Variants in PDE4D observed in about 807,000 individuals in gnomAD.
The protein encoded by PDE4D is 3',5'-cyclic-AMP phosphodiesterase 4D.
Under a neutral mutation model 87.4 loss-of-function variants are expected in PDE4D, and 24 were observed. That is an observed-to-expected ratio of 0.27 (90% CI 0.20 to 0.39). The LOEUF is 0.39. PDE4D is among the 10% of genes least tolerant of loss of function. The pLI, the probability that PDE4D is intolerant of heterozygous loss-of-function variation, is 1.00. For missense variants in PDE4D, 714 were observed against 1,041.0 expected (o/e 0.69, Z 4.32); for synonymous variants, 384 against 383.2 (o/e 1.00, Z -0.02).
intron 1 of PDE4D, among the ~76,000 whole-genome samples, chr5:59,479,947 G>A (rs1203360013): frequency 6.6e-6 from 1 of 152,042 alleles, no homozygotes; most frequent in Non-Finnish European, 1.5e-5. Flanking sequence ...AGTGGGGAGA[G>A]TATGCACATT....
At chr5:59,149,901 A>G (rs1261730289) in intron 5 of PDE4D, among the ~76,000 whole-genome samples, 1 of 152,050 alleles carries the variant, frequency 6.6e-6, no homozygotes, top group African/African-American at 2.4e-5. Flanking sequence ...GAAAGTCTTC[A>G]GGTGTAATCC....
chr5:59,777,049 C>G (rs1490290362), intron 1 of PDE4D, among the ~76,000 whole-genome samples: 1 of 152,126 alleles, frequency 6.6e-6, no homozygotes, highest in South Asian at 2.1e-4. Flanking sequence ...TTCCAGGAAC[C>G]CTTAACTCGA....
At chr5:59,168,758 C>T (rs932158168) in intron 5 of PDE4D, among the ~76,000 whole-genome samples, 2 of 152,186 alleles carry the variant, frequency 1.3e-5, no homozygotes, top group African/African-American at 2.4e-5. Context: ...AGGACCAGCA[C>T]ATCCAGCAGC....
intron 1 of PDE4D, among the ~76,000 whole-genome samples, chr5:59,661,315 C>G (rs1227803287): frequency 1.3e-5 from 2 of 151,978 alleles, no homozygotes; most frequent in Non-Finnish European, 2.9e-5. Context: ...TTTAAAAACT[C>G]CATTACCTGC....
At chr5:59,575,209 A>G (rs1583188688) in intron 1 of PDE4D, among the ~76,000 whole-genome samples, 1 of 152,202 alleles carries the variant, frequency 6.6e-6, no homozygotes, top group African/African-American at 2.4e-5. Flanking sequence ...TGAAAGATGT[A>G]TAAAAAGAAC....
intron 1 of PDE4D, among the ~76,000 whole-genome samples, chr5:59,431,097 C>T (rs1421482625): frequency 1.2e-4 from 18 of 152,082 alleles, no homozygotes; most frequent in Admixed American, 1.2e-3. Flanking sequence ...GATGATGATA[C>T]ACATTTTTTT....
At chr5:59,974,057 C>T (rs901997597) in intron 3 of PDE4D, among the ~76,000 whole-genome samples, 14 of 152,082 alleles carry the variant, frequency 9.2e-5, no homozygotes, top group East Asian at 7.7e-4. Flanking sequence ...ACCGTATGCA[C>T]GTGCCTTTCT....
chr5:59,942,739 G>A (rs77382569), intron 3 of PDE4D, among the ~76,000 whole-genome samples: 3 of 151,788 alleles, frequency 2.0e-5, no homozygotes, highest in South Asian at 2.1e-4. Flanking sequence ...GAATAGGATC[G>A]GCTGTGATAG....
chr5:60,057,150 C>T (rs1261525993), intron 2 of PDE4D, among the ~76,000 whole-genome samples: 1 of 151,828 alleles, frequency 6.6e-6, no homozygotes, highest in Non-Finnish European at 1.5e-5. Flanking sequence ...AGTCTCTACA[C>T]AGAATAAATT....
At chr5:60,406,689 A>AG (rs1324956479) in intron 1 of PDE4D, among the ~76,000 whole-genome samples, 1 of 152,088 alleles carries the variant, frequency 6.6e-6, no homozygotes, top group Admixed American at 6.5e-5. Flanking sequence ...GTGTTTCTTT[A>AG]TTTTATTCCA....
chr5:59,580,893 T>G (rs1489833154), intron 1 of PDE4D, among the ~76,000 whole-genome samples: 1 of 152,156 alleles, frequency 6.6e-6, no homozygotes, highest in East Asian at 1.9e-4. Context: ...TTTTAGTTTA[T>G]TTATGTTTCC....
chr5:59,306,378 C>A (rs1230569723), intron 1 of PDE4D, among the ~76,000 whole-genome samples: 1 of 152,156 alleles, frequency 6.6e-6, no homozygotes, highest in Non-Finnish European at 1.5e-5. Context: ...GCATTTAGGC[C>A]ATTTACATTC....
chr5:59,515,076 GATTA>G (rs1400557487), intron 1 of PDE4D, among the ~76,000 whole-genome samples: 1 of 152,190 alleles, frequency 6.6e-6, no homozygotes, highest in Non-Finnish European at 1.5e-5. Flanking sequence ...AATGTTAAGA[GATTA>G]AAGGGGAAAA....
At chr5:60,351,696 G>A (rs73106785) in intron 1 of PDE4D, among the ~76,000 whole-genome samples, 14,818 of 152,036 alleles carry the variant, frequency 0.097, 1,356 homozygotes, top group African/African-American at 0.24. Context: ...ATTTGGAAAG[G>A]AATCAGTATT....
chr5:59,038,275 C>T (rs1189799788), intron 6 of PDE4D, among the ~76,000 whole-genome samples: 1 of 152,136 alleles, frequency 6.6e-6, no homozygotes, highest in Non-Finnish European at 1.5e-5. Flanking sequence ...ACTAAATGAC[C>T]TCAAAAAACT....
At chr5:59,042,410 C>T (rs573298894) in intron 5 of PDE4D, among the ~76,000 whole-genome samples, 18 of 152,222 alleles carry the variant, frequency 1.2e-4, no homozygotes, top group Admixed American at 1.0e-3. Flanking sequence ...ACCTAAATGT[C>T]GACAGCTAGC....
At chr5:59,574,072 T>TTA (rs1168178213) in intron 1 of PDE4D, among the ~76,000 whole-genome samples, 4 of 12,322 alleles carry the variant, frequency 3.2e-4, no homozygotes, top group African/African-American at 7.2e-4. Context: ...ATATATATAT[T>TTA]TATATATATA....
intron 1 of PDE4D, among the ~76,000 whole-genome samples, chr5:59,252,522 T>C (rs1307584589): frequency 6.6e-6 from 1 of 151,044 alleles, no homozygotes; most frequent in African/African-American, 2.5e-5. Context: ...AACCATATCA[T>C]CTGGGTTTTT....
chr5:59,136,028 A>T (rs1302808066), intron 5 of PDE4D, among the ~76,000 whole-genome samples: 3 of 3,840 alleles, frequency 7.8e-4, no homozygotes, highest in Non-Finnish European at 4.5e-3. Context: ...ACTAAATGAT[A>T]AAAAAAAAAA....
Sources: allele counts gnomAD v4.1 joint callset (sites outside exome capture counted in the v4.1 genomes callset), GRCh38; gene constraint gnomAD v4.1.1; transcripts MANE v1.5; gene names NCBI Gene and HGNC (gene_info 2026-07-23, HGNC 2026-07-21).